Variants in SPATA16 observed in about 807,000 individuals in gnomAD.
SPATA16 encodes spermatogenesis-associated protein 16.
SPATA16 carries 36 observed loss-of-function variants against 63.3 expected under a neutral mutation model. That is an observed-to-expected ratio of 0.57 (90% CI 0.44 to 0.75). SPATA16 has a LOEUF of 0.75. Ranked by LOEUF, SPATA16 falls within the 30% of genes least tolerant of loss-of-function variation. The pLI, the probability that SPATA16 is intolerant of heterozygous loss-of-function variation, is 0.00. For synonymous variants in SPATA16, 203 were observed against 216.7 expected (o/e 0.94, Z 0.56); for missense variants, 646 against 679.3 (o/e 0.95, Z 0.54).
intron 6 of SPATA16, among the ~76,000 whole-genome samples, chr3:172,945,312 T>C (rs908779309): frequency 4.6e-5 from 7 of 152,120 alleles, no homozygotes; most frequent in Non-Finnish European, 1.0e-4. Flanking sequence ...TCTAAGAACA[T>C]CAAAGAGCTA....
At chr3:172,904,481 C>G (rs183274162) in intron 10 of SPATA16, among the ~76,000 whole-genome samples, 1 of 152,156 alleles carries the variant, frequency 6.6e-6, no homozygotes, top group African/African-American at 2.4e-5. Flanking sequence ...CATGATTTGA[C>G]GCCTGCTCAG....
rs560605419 is a variant in SPATA16 at position 173,048,343 on chromosome 3, A to T, written c.758+606T>A. ...GAAAGACCCCTAAAACATAAAATAC[A>T]GGAGAGATACACTTTTATAGAAGAA... is the stretch of plus-strand genomic sequence containing the variant. On this transcript the variant is annotated intron_variant, in intron 3 of 10. Coordinates refer to ENST00000351008, the MANE Select transcript of SPATA16 (RefSeq NM_031955.6). 2.6e-5 allele frequency among the ~76,000 whole-genome samples: 4 copies of T among 152,254 alleles called. No homozygotes were observed. The South Asian group carries it at 8.3e-4, about 32-fold the overall frequency.
intron 2 of SPATA16, among the ~76,000 whole-genome samples, chr3:173,085,361 T>G (rs1382785474): frequency 6.6e-6 from 1 of 152,174 alleles, no homozygotes; most frequent in Non-Finnish European, 1.5e-5. Context: ...CACATTGATT[T>G]TGTATCCTGA....
intron 2 of SPATA16, among the ~76,000 whole-genome samples, chr3:173,063,640 G>A (rs1430866285): frequency 6.6e-6 from 1 of 152,120 alleles, no homozygotes; most frequent in Non-Finnish European, 1.5e-5. Context: ...TAATAACTGA[G>A]CTTTTATGAG....
intron 2 of SPATA16, among the ~76,000 whole-genome samples, chr3:173,071,341 C>T (rs1306734018): frequency 6.6e-6 from 1 of 152,126 alleles, no homozygotes; most frequent in Non-Finnish European, 1.5e-5. Context: ...AATATAAGAC[C>T]TGACACCATT....
intron 6 of SPATA16, among the ~76,000 whole-genome samples, chr3:172,931,033 AG>A: frequency 6.6e-6 from 1 of 151,342 alleles, no homozygotes; most frequent in African/African-American, 2.4e-5. Flanking sequence ...CTTGTTGGGC[AG>A]GCTGGTCTCG....
At chr3:173,115,872 A>G (rs1029475124) in intron 2 of SPATA16, among the ~76,000 whole-genome samples, 3 of 151,014 alleles carry the variant, frequency 2.0e-5, no homozygotes, top group Non-Finnish European at 4.4e-5. Flanking sequence ...CCCATGCTCA[A>G]TTACTCTTGT....
chr3:172,910,928 G>A (rs1041911034), intron 10 of SPATA16, among the ~76,000 whole-genome samples: 4 of 152,154 alleles, frequency 2.6e-5, no homozygotes, highest in East Asian at 1.9e-4. Context: ...GTGCACTTTC[G>A]TGCCAGTTGT....
At chr3:173,089,309 TCTC>T (rs1489080710) in intron 2 of SPATA16, among the ~76,000 whole-genome samples, 2 of 152,176 alleles carry the variant, frequency 1.3e-5, no homozygotes, top group Non-Finnish European at 2.9e-5. Flanking sequence ...TGCACTTCCT[TCTC>T]CTCCAGAGGC....
intron 4 of SPATA16, among the ~76,000 whole-genome samples, chr3:172,995,776 A>C (rs1353515009): frequency 2.6e-5 from 4 of 152,110 alleles, no homozygotes; most frequent in African/African-American, 9.6e-5. Flanking sequence ...ACTTTGAAAG[A>C]ATTTTAAATA....
chr3:172,958,026 A>G (rs1733641048), intron 5 of SPATA16, among the ~76,000 whole-genome samples: 1 of 152,196 alleles, frequency 6.6e-6, no homozygotes, highest in Non-Finnish European at 1.5e-5. Flanking sequence ...GTGGTGGACA[A>G]ATTTCTGAAT....
chr3:173,002,966 G>A (rs1734859031), intron 4 of SPATA16, among the ~76,000 whole-genome samples: 2 of 152,072 alleles, frequency 1.3e-5, no homozygotes, highest in Non-Finnish European at 2.9e-5. Flanking sequence ...TCATAGATAT[G>A]GAAAACTATG....
In SPATA16 at chr3:172,894,231, A is replaced by G. The variant is rs187109012; in HGVS notation, c.1588-4539T>C. On this transcript the variant is annotated intron_variant, in intron 10 of 10. Transcript: ENST00000351008. ...ATCATCCAAAATGGTTTGAATTTTA[A>G]TTCTTATTAGAATTACAATTGTTTT... is the stretch of plus-strand genomic sequence containing the variant. Among the ~76,000 whole-genome samples the G allele has an allele frequency of 3.1e-3, 472 of 152,300 alleles. 1 individual carries two copies. Among genetic ancestry groups the G allele is most frequent in the Non-Finnish European group, 5.4e-3 (369 of 68,014 alleles).
At position 172,948,219 on chromosome 3, in the gene SPATA16, G is replaced by A. The variant is rs1577101578; in HGVS notation, c.1081+8458C>T. On this transcript the variant is annotated intron_variant, in intron 6 of 10. Transcript: ENST00000351008. ...TCCCAAAGGCCATGGATAAATAAACGATTCTAAAAGCAGCAAGAGAAAAGA... is the reference window on the plus strand; with the variant it reads ...TCCCAAAGGCCATGGATAAATAAACAATTCTAAAAGCAGCAAGAGAAAAGA... Among the ~76,000 whole-genome samples the A allele has an allele frequency of 2.0e-5, 3 of 152,138 alleles. 1 individual carries two copies.
chr3:173,053,963 T>C lies in SPATA16; in HGVS notation c.613-4869A>G, dbSNP rs190230600. Among the ~76,000 whole-genome samples the C allele has an allele frequency of 7.1e-3, 1,086 of 152,270 alleles. 14 individuals carry two copies. Among genetic ancestry groups the C allele is most frequent in the Middle Eastern group, 0.017 (5 of 294 alleles). ...CATATTTCTTTCTATACGTTTTGCA[T>C]TTTTGTATCATAATAGAAGATATAT... On this transcript the variant is annotated intron_variant, in intron 2 of 10. Coordinates refer to ENST00000351008, the MANE Select transcript of SPATA16 (RefSeq NM_031955.6).
intron 5 of SPATA16, among the ~76,000 whole-genome samples, chr3:172,963,764 T>G (rs1366940757): frequency 2.0e-5 from 3 of 152,150 alleles, no homozygotes; most frequent in Admixed American, 6.6e-5. Context: ...TAAAATATTA[T>G]TTTATAATCA....
At chr3:173,117,095 A>G (rs1347573772) in intron 2 of SPATA16, 25 bp downstream of exon 2, 4 of 1,609,422 alleles carry the variant, frequency 2.5e-6, no homozygotes, top group Admixed American at 1.7e-5. Flanking sequence ...CCTGTCACCA[A>G]TCTATATTTT....
chr3:173,105,288 G>C (rs186085074), intron 2 of SPATA16, among the ~76,000 whole-genome samples: 130 of 152,258 alleles, frequency 8.5e-4, no homozygotes, highest in Non-Finnish European at 1.6e-3. Flanking sequence ...TTAAACTAGA[G>C]GGTGTTCAGA....
At chr3:173,060,586 T>C (rs1736353554) in intron 2 of SPATA16, among the ~76,000 whole-genome samples, 1 of 152,196 alleles carries the variant, frequency 6.6e-6, no homozygotes, top group African/African-American at 2.4e-5. Flanking sequence ...GATATTTTCA[T>C]TTGCAAAATT....
Sources: allele counts gnomAD v4.1 joint callset (sites outside exome capture counted in the v4.1 genomes callset), GRCh38; gene constraint gnomAD v4.1.1; transcripts MANE v1.5; gene names NCBI Gene and HGNC (gene_info 2026-07-23, HGNC 2026-07-21).